The following UBAC1 variants were observed in gnomAD, a reference collection of about 807,000 sequenced individuals.
The protein encoded by UBAC1 is ubiquitin-associated domain-containing protein 1.
A neutral mutation model predicts 45.9 loss-of-function variants in UBAC1; 27 were observed. The observed-to-expected ratio is 0.59, with a 90% CI of 0.43 to 0.81. The LOEUF (loss-of-function observed/expected upper bound fraction) is 0.81, where lower values mean the gene tolerates loss of function less well. Ranked by LOEUF, UBAC1 falls within the 30% of genes least tolerant of loss-of-function variation. The pLI, the probability that UBAC1 is intolerant of heterozygous loss-of-function variation, is 0.00. For synonymous variants in UBAC1, 227 were observed against 215.5 expected, an observed-to-expected ratio of 1.05 and a Z score of -0.47; for missense variants, 529 against 539.2, an observed-to-expected ratio of 0.98 and a Z score of 0.19.
At chr9:135,955,209 T>G in intron 2 of UBAC1, 86 bp downstream of exon 2, 2 of 1,372,122 alleles carry the variant, frequency 1.5e-6, no homozygotes, top group Non-Finnish European at 1.9e-6. Flanking sequence ...CACTGACTCC[T>G]GTGGGTGGAC....
intron 5 of UBAC1, 40 bp from the exon 6 acceptor site, chr9:135,946,037 G>A: frequency 6.4e-7 from 1 of 1,562,416 alleles, no homozygotes; most frequent in Non-Finnish European, 8.8e-7. Context: ...TCCAGCCTCA[G>A]GTTCAGGGGC....
At chr9:135,958,578 A>C (rs888864998) in intron 1 of UBAC1, among the ~76,000 whole-genome samples, 2 of 152,220 alleles carry the variant, frequency 1.3e-5, no homozygotes, top group African/African-American at 4.8e-5. Context: ...CCCTCCAGGC[A>C]GATGGAAAAG....
At chr9:135,958,583 G>A (rs1007356853) in intron 1 of UBAC1, among the ~76,000 whole-genome samples, 44 of 152,198 alleles carry the variant, frequency 2.9e-4, no homozygotes, top group African/African-American at 9.4e-4. Context: ...CAGGCAGATG[G>A]AAAAGAGGAA....
rs747362112 is a variant in UBAC1, at chr9:135,933,403, C to A, written c.1215G>T (p.Thr405=). 1.9e-6 allele frequency: 3 copies of A among 1,613,710 alleles called. No homozygotes were observed. Among genetic ancestry groups the A allele is most frequent in the African/African-American group, 2.7e-5 (2 of 74,904 alleles). Residue 405 remains threonine, a synonymous_variant, in exon 10 of 10, where the codon ACG becomes ACT. Transcript: ENST00000371756. ...TAGCCGAGTGGAACAACGCCACCTA[C>A]GTGCGATTTAGTGTCTGGAAGATTC... The part of the protein sequence containing the change: ...ISRIFQTLNR[T]
At chr9:135,945,862 A>G in intron 6 of UBAC1, 27 bp downstream of exon 6, 1 of 1,601,292 alleles carries the variant, frequency 6.2e-7, no homozygotes, top group Non-Finnish European at 8.6e-7. Flanking sequence ...TGTCTCCGGC[A>G]AGGGAAGGAG....
Position 135,938,238 on chromosome 9 carries a change from G to C in UBAC1, c.1086C>G (p.Asn362Lys). Residue 362 changes from asparagine (N) to lysine (K), a missense_variant, in exon 9 of 10, where the codon AAC becomes AAG. Physicochemically the swap from Asn to Lys is moderately conservative, Grantham distance 94. Transcript: ENST00000371756. ...DNPVVQLGLT[N>K]PKTLLAFEDM... Reference sequence around the variant, plus strand: ...CGCACATACCTAGCAATGTTTTCGGGTTGGTCAGGCCCAGCTGCACCACCG... The same window carrying C: ...CGCACATACCTAGCAATGTTTTCGGCTTGGTCAGGCCCAGCTGCACCACCG... 6.2e-7 allele frequency: 1 copy of C among 1,614,064 alleles called. No individual in the cohort carries two copies. Among genetic ancestry groups the C allele is most frequent in the Non-Finnish European group, 8.5e-7 (1 of 1,179,986 alleles).
Position 135,961,154 on chromosome 9 carries a change from C to T in UBAC1, c.9G>A (p.Val3=), listed in dbSNP as rs1470006606. MF[V]QEEKIFAGKV... The stretch of plus-strand genomic sequence containing the variant: ...TGCCCGCGAAGATCTTCTCCTCCTG[C>T]ACGAACATCCCGCCGCCGCCGCAGG... The change falls in exon 1 of 10, where the codon GTG becomes GTA. Residue 3 remains valine (V), a synonymous_variant. Transcript: ENST00000371756. The T allele has an allele frequency of 7.0e-6, 11 of 1,568,302 alleles. No individual in the cohort carries two copies. Among genetic ancestry groups the T allele is most frequent in the Non-Finnish European group, 9.4e-6 (11 of 1,164,650 alleles).
At chr9:135,957,092 C>T (rs1588536941) in intron 1 of UBAC1, among the ~76,000 whole-genome samples, 1 of 152,230 alleles carries the variant, frequency 6.6e-6, no homozygotes, top group Non-Finnish European at 1.5e-5. Flanking sequence ...AATCTAAGCA[C>T]ACACTTCACC....
intron 1 of UBAC1, among the ~76,000 whole-genome samples, chr9:135,958,406 C>A (rs957940540): frequency 6.6e-6 from 1 of 152,192 alleles, no homozygotes; most frequent in East Asian, 1.9e-4. Context: ...CCTCTGCCCC[C>A]TTCTCCACTC....
At chr9:135,936,586 C>T (rs1016818845) in intron 9 of UBAC1, among the ~76,000 whole-genome samples, 1 of 151,920 alleles carries the variant, frequency 6.6e-6, no homozygotes, top group Non-Finnish European at 1.5e-5. Flanking sequence ...ACCTCCGCCC[C>T]CCAGGTTTAA....
At chr9:135,942,650 CAAAAA>C (rs35653463) in intron 7 of UBAC1, among the ~76,000 whole-genome samples, 2 of 95,842 alleles carry the variant, frequency 2.1e-5, no homozygotes, top group African/African-American at 8.3e-5. Flanking sequence ...GAAACTGTCT[CAAAAA>C]AAAAAAAAAA....
rs115120233 is a variant in UBAC1 at position 135,933,378 on chromosome 9, T to G, written c.*22A>C. 1.2e-6 allele frequency: 2 copies of G among 1,606,942 alleles called. No individual in the cohort carries two copies. The highest frequency in any genetic ancestry group is 1.7e-6 in the Non-Finnish European group (2 of 1,173,532). On this transcript the variant is annotated 3_prime_UTR_variant, in exon 10 of 10. Coordinates refer to ENST00000371756, the MANE Select transcript of UBAC1 (RefSeq NM_016172.3). Reference sequence around the variant, plus strand: ...GCACCAGGGGGCTGCTGTGGCCTGATAGCCGAGTGGAACAACGCCACCTAC... The same window carrying G: ...GCACCAGGGGGCTGCTGTGGCCTGAGAGCCGAGTGGAACAACGCCACCTAC...
At chr9:135,957,434 T>C (rs79085806) in intron 1 of UBAC1, among the ~76,000 whole-genome samples, 2,132 of 152,212 alleles carry the variant, frequency 0.014, 45 homozygotes, top group African/African-American at 0.049. Context: ...ATAATTCTCA[T>C]ACTGATTCCC....
At chr9:135,938,106 G>T in intron 9 of UBAC1, 116 bp downstream of exon 9, 1 of 1,462,852 alleles carries the variant, frequency 6.8e-7, no homozygotes, top group Non-Finnish European at 9.2e-7. Context: ...TGCTGCCAGC[G>T]CACGGCGATC....
chr9:135,947,616 G>A (rs553722525), intron 4 of UBAC1, 182 bp downstream of exon 4: 1 of 491,146 alleles, frequency 2.0e-6, no homozygotes, highest in African/African-American at 2.0e-5. Context: ...ACTCTTACTT[G>A]GAAATAATTT....
chr9:135,953,552 T>A (rs987946796), intron 3 of UBAC1, 128 bp downstream of exon 3: 1 of 646,010 alleles, frequency 1.5e-6, no homozygotes, highest in South Asian at 1.8e-5. Flanking sequence ...TCTCTTGACC[T>A]CGTGATCCAC....
At chr9:135,944,912 G>T in intron 7 of UBAC1, 116 bp downstream of exon 7, 1 of 1,043,630 alleles carries the variant, frequency 9.6e-7, no homozygotes, top group Non-Finnish European at 1.4e-6. Context: ...TCTCTCTCCT[G>T]GGACAGGAGC....
intron 9 of UBAC1, among the ~76,000 whole-genome samples, chr9:135,937,825 T>A (rs955342724): frequency 6.6e-6 from 1 of 152,190 alleles, no homozygotes; most frequent in Non-Finnish European, 1.5e-5. Context: ...TGTACGTATC[T>A]CACAATAAAA....
Position 135,961,359 on chromosome 9 carries a change from CGCCGGG to C in UBAC1, c.-203_-198del, listed in dbSNP as rs1422475282. ...GCCTCGCTCCCGCCGCCGCAGCAGCCGCCGGGGGCGCGCCGTCGCGGCCGCACCGGA... is the reference window on the plus strand; with the variant it reads ...GCCTCGCTCCCGCCGCCGCAGCAGCCGGCGCGCCGTCGCGGCCGCACCGGA... On this transcript the variant is annotated 5_prime_UTR_variant, in exon 1 of 10. Coordinates refer to ENST00000371756, the MANE Select transcript of UBAC1 (RefSeq NM_016172.3). 7.3e-4 allele frequency: 154 copies of C among 211,368 alleles called. No homozygotes were observed. The highest frequency in any genetic ancestry group is 2.3e-3 in the Admixed American group (35 of 15,332). The allele number at this position is 211,368 out of a possible 1,614,324, so 13.1% of individuals were successfully genotyped here. A position where few individuals can be genotyped will look rare whatever the true frequency, so the allele number is the denominator to read the frequency against.
Sources: gnomAD v4.1 joint callset for allele counts (sites outside exome capture counted in the v4.1 genomes callset) on GRCh38, gnomAD v4.1.1 for gene constraint, MANE v1.5 for transcripts, NCBI Gene and HGNC (gene_info 2026-07-23, HGNC 2026-07-21) for gene names.